The following PRPF18 variants were observed in gnomAD, a reference collection of about 807,000 sequenced individuals.
PRPF18 encodes pre-mRNA-splicing factor 18.
A neutral mutation model predicts 46.5 loss-of-function variants in PRPF18; 38 were observed. That is an observed-to-expected ratio of 0.82 (90% CI 0.63 to 1.07). The LOEUF (loss-of-function observed/expected upper bound fraction) is 1.07. PRPF18 is among the 50% of genes least tolerant of loss of function. PRPF18 has a pLI of 0.00. For missense variants in PRPF18, 263 were observed against 410.0 expected (o/e 0.64, Z 3.10); for synonymous variants, 152 against 146.7 (o/e 1.04, Z -0.26).
the PRPF18 span, among the ~76,000 whole-genome samples, chr10:13,636,745 C>T: frequency 2.0e-5 from 3 of 152,182 alleles, no homozygotes; most frequent in South Asian, 6.2e-4. Context: ...TTCATGTCCT[C>T]TTCTAGTCAT....
chr10:13,607,049 A>G (rs1219636099), intron 4 of PRPF18, among the ~76,000 whole-genome samples: 1 of 152,084 alleles, frequency 6.6e-6, no homozygotes, highest in African/African-American at 2.4e-5. Context: ...CTTTTCATAA[A>G]GTTGTGTTCA....
intron 3 of PRPF18, among the ~76,000 whole-genome samples, chr10:13,601,745 G>A (rs1318922603): frequency 1.3e-5 from 2 of 152,118 alleles, no homozygotes; most frequent in Non-Finnish European, 2.9e-5. Context: ...GTCTGAATGA[G>A]GGTAACAATT....
At chr10:13,619,436 A>G (rs533468290) in intron 9 of PRPF18, among the ~76,000 whole-genome samples, 1 of 152,390 alleles carries the variant, frequency 6.6e-6, no homozygotes, top group South Asian at 2.1e-4. Flanking sequence ...AGATGGAGGA[A>G]GACACCCACC....
chr10:13,597,880 C>T (rs2080057938), intron 2 of PRPF18, among the ~76,000 whole-genome samples: 2 of 151,906 alleles, frequency 1.3e-5, no homozygotes, highest in Non-Finnish European at 2.9e-5. Context: ...CCACCTCTCC[C>T]AATAAAACAG....
the PRPF18 span, among the ~76,000 whole-genome samples, chr10:13,638,466 A>G: frequency 3.3e-4 from 50 of 152,204 alleles, no homozygotes; most frequent in Non-Finnish European, 5.6e-4. Context: ...TGAAACAGTT[A>G]TGGAGGCTAA....
At chr10:13,647,235 C>G in the PRPF18 span, 1 of 152,266 alleles carries the variant, frequency 6.6e-6, no homozygotes, top group African/African-American at 2.4e-5. Flanking sequence ...CACAAAGGGG[C>G]CGCCTGAAAC....
At chr10:13,633,224 G>A (rs1325553353), downstream of PRPF18, among the ~76,000 whole-genome samples, 2 of 152,324 alleles carry the variant, frequency 1.3e-5, no homozygotes, top group East Asian at 1.9e-4. Context: ...ACCAGAGCTA[G>A]GCAGGCAGCT....
At chr10:13,649,460 T>C in the PRPF18 span, 1 of 127,296 alleles carries the variant, frequency 7.9e-6, no homozygotes, top group Non-Finnish European at 1.9e-5. Context: ...GGGTGGGAGA[T>C]GCTGGATTGG....
At position 13,611,166 on chromosome 10, in the gene PRPF18, G is replaced by A. The variant is rs190690635; in HGVS notation, c.511-449G>A. On this transcript the variant is annotated intron_variant, in intron 5 of 9. Transcript: ENST00000378572. ...TCCCTAAATTTTACTAAAATAATTG[G>A]TATGGGCAACCAGTTGTGGGCTTTT... 3.4e-5 allele frequency among the ~76,000 whole-genome samples: 5 copies of A among 148,056 alleles called. No homozygotes were observed. In the South Asian group the frequency reaches 8.6e-4, roughly 25 times the overall value.
At chr10:13,615,850 G>C (rs2080331772) in intron 8 of PRPF18, among the ~76,000 whole-genome samples, 3 of 152,120 alleles carry the variant, frequency 2.0e-5, no homozygotes, top group Admixed American at 2.0e-4. Context: ...TATTCGACTG[G>C]AGGGCCAGTG....
At chr10:13,609,203 C>G (rs752869420) in intron 4 of PRPF18, among the ~76,000 whole-genome samples, 23 of 152,182 alleles carry the variant, frequency 1.5e-4, no homozygotes, top group Non-Finnish European at 2.6e-4. Flanking sequence ...ACTTGCGTGA[C>G]TTGATGTTTG....
intron 9 of PRPF18, among the ~76,000 whole-genome samples, chr10:13,624,257 C>T (rs1031676176): frequency 6.6e-5 from 10 of 152,210 alleles, no homozygotes; most frequent in African/African-American, 9.7e-5. Context: ...GGATTACAGG[C>T]GTGAGCCACC....
At chr10:13,605,111 T>G (rs2080164704) in intron 3 of PRPF18, among the ~76,000 whole-genome samples, 1 of 152,226 alleles carries the variant, frequency 6.6e-6, no homozygotes. Context: ...AGTACTTGAT[T>G]TTCTCTTTGA....
chr10:13,613,817 A>C lies in PRPF18; in HGVS notation c.656A>C (p.Asn219Thr), dbSNP rs2080303878. The change falls in exon 7 of 10, where the codon AAC (asparagine) becomes ACC (threonine). Residue 219 changes from asparagine (N) to threonine (T), a missense_variant. Physicochemically the swap from Asn to Thr is moderately conservative, Grantham distance 65. Coordinates refer to ENST00000378572, the MANE Select transcript of PRPF18 (RefSeq NM_003675.4). ...YVKRSVQGKLNSATQKQTESY... is the reference protein window; with the variant it reads ...YVKRSVQGKLTSATQKQTESY... ...AAACGCAGTGTGCAGGGTAAACTGAACAGTGCGACCCAGAAACAGACCGAG... is the reference window on the plus strand; with the variant it reads ...AAACGCAGTGTGCAGGGTAAACTGACCAGTGCGACCCAGAAACAGACCGAG... The C allele has an allele frequency of 1.2e-6, 2 of 1,614,048 alleles. No homozygotes were observed. Among genetic ancestry groups the C allele is most frequent in the Non-Finnish European group, 1.7e-6 (2 of 1,180,028 alleles).
chr10:13,610,230 T>C, intron 5 of PRPF18, 45 bp downstream of exon 5: 1 of 1,583,142 alleles, frequency 6.3e-7, no homozygotes, highest in Non-Finnish European at 8.6e-7. Flanking sequence ...ACCCTTCTTT[T>C]TCCTCTGGAG....
chr10:13,641,011 T>C, the PRPF18 span: 1 of 152,276 alleles, frequency 6.6e-6, no homozygotes, highest in Non-Finnish European at 1.5e-5. Flanking sequence ...GGCCTCTTTC[T>C]ACCTCCAAAT....
intron 8 of PRPF18, 133 bp from the exon 9 acceptor site, chr10:13,616,265 A>C (rs1233501560): frequency 1.2e-6 from 1 of 864,092 alleles, no homozygotes; most frequent in Non-Finnish European, 1.8e-6. Context: ...AATAACAGTC[A>C]TGGTAATATT....
the PRPF18 span, among the ~76,000 whole-genome samples, chr10:13,636,320 G>A: frequency 2.0e-5 from 3 of 152,208 alleles, no homozygotes; most frequent in Admixed American, 6.5e-5. Context: ...TACTTGGGTT[G>A]AGGTGGAAGG....
At chr10:13,646,719 G>T in the PRPF18 span, 1 of 152,694 alleles carries the variant, frequency 6.5e-6, no homozygotes, top group Non-Finnish European at 1.5e-5. Context: ...GGCTCTCTAT[G>T]GGCAAGAGCG....
Sources: allele counts gnomAD v4.1 joint callset (sites outside exome capture counted in the v4.1 genomes callset), GRCh38; gene constraint gnomAD v4.1.1; transcripts MANE v1.5; gene names NCBI Gene and HGNC (gene_info 2026-07-23, HGNC 2026-07-21).